DCPH1: variants seen among roughly 807,000 people sequenced by gnomAD.
The protein encoded by DCPH1 is damage control phosphatase 1, also known as damage-control phosphatase 1.
chr6:151,463,990 CATT>C, the DCPH1 span, among the ~76,000 whole-genome samples: 1 of 152,170 alleles, frequency 6.6e-6, no homozygotes, highest in African/African-American at 2.4e-5. Context: ...CTTAAGTACT[CATT>C]GTATTTCCAT....
chr6:151,452,690 G>C, the DCPH1 span: 1 of 1,216,590 alleles, frequency 8.2e-7, no homozygotes, highest in Non-Finnish European at 1.1e-6. Flanking sequence ...GGCTGCGTTC[G>C]AGTCCCGCCG....
chr6:151,463,675 C>T, the DCPH1 span, among the ~76,000 whole-genome samples: 1 of 152,182 alleles, frequency 6.6e-6, no homozygotes, highest in African/African-American at 2.4e-5. Flanking sequence ...AAGCCGATTA[C>T]ATCAGTGTTA....
At chr6:151,458,905 A>G in the DCPH1 span, among the ~76,000 whole-genome samples, 1 of 152,160 alleles carries the variant, frequency 6.6e-6, no homozygotes, top group Non-Finnish European at 1.5e-5. Flanking sequence ...TGGGAGGCTG[A>G]GGTGGGCAGA....
chr6:151,462,209 T>A, the DCPH1 span, among the ~76,000 whole-genome samples: 2 of 152,176 alleles, frequency 1.3e-5, no homozygotes, highest in Non-Finnish European at 2.9e-5. Flanking sequence ...GAAAAACTTT[T>A]TAATAAAGTG....
At chr6:151,453,045 G>T in the DCPH1 span, among the ~76,000 whole-genome samples, 5 of 152,190 alleles carry the variant, frequency 3.3e-5, no homozygotes, top group African/African-American at 4.8e-5. Flanking sequence ...GGGTGACCGT[G>T]CAAATAACAT....
At chr6:151,465,594 T>C in the DCPH1 span, among the ~76,000 whole-genome samples, 1 of 152,152 alleles carries the variant, frequency 6.6e-6, no homozygotes, top group African/African-American at 2.4e-5. Flanking sequence ...AAATTTTTAC[T>C]AAAAGTGAAA....
At chr6:151,453,365 T>C in the DCPH1 span, among the ~76,000 whole-genome samples, 3 of 152,090 alleles carry the variant, frequency 2.0e-5, no homozygotes, top group Admixed American at 1.3e-4. Context: ...TAAAGTAAAA[T>C]CTCAAAAAAG....
chr6:151,452,600 T>C, the DCPH1 span: 1 of 1,601,764 alleles, frequency 6.2e-7, no homozygotes, highest in Non-Finnish European at 8.5e-7. Context: ...AGTCTAGCTT[T>C]TCTCCTCCCC....
the DCPH1 span, chr6:151,468,327 A>T: frequency 6.6e-7 from 1 of 1,514,034 alleles, no homozygotes; most frequent in East Asian, 2.3e-5. Context: ...AATATTTTGT[A>T]CTTTTTCTTT....
At chr6:151,457,184 G>A in the DCPH1 span, among the ~76,000 whole-genome samples, 1 of 152,140 alleles carries the variant, frequency 6.6e-6, no homozygotes, top group Non-Finnish European at 1.5e-5. Flanking sequence ...CACCTCAGCG[G>A]TCAAACGTCC....
At chr6:151,454,396 A>G in the DCPH1 span, 1 of 500,264 alleles carries the variant, frequency 2.0e-6, no homozygotes, top group East Asian at 3.8e-5. Context: ...AGGTTTTCTT[A>G]TGTCTTAATA....
At chr6:151,452,693 TC>T in the DCPH1 span, 1 of 1,201,936 alleles carries the variant, frequency 8.3e-7, no homozygotes, top group Non-Finnish European at 1.2e-6. Flanking sequence ...TGCGTTCGAG[TC>T]CCGCCGCCGG....
At chr6:151,454,754 T>G in the DCPH1 span, 1 of 599,594 alleles carries the variant, frequency 1.7e-6, no homozygotes, top group Non-Finnish European at 3.0e-6. Flanking sequence ...TAAAAATCAA[T>G]AGATGGGCCA....
chr6:151,456,656 T>C, the DCPH1 span, among the ~76,000 whole-genome samples: 1 of 152,084 alleles, frequency 6.6e-6, no homozygotes, highest in Non-Finnish European at 1.5e-5. Flanking sequence ...TTGTTTTTCT[T>C]GTTGTTGTTT....
At chr6:151,469,247 G>C in the DCPH1 span, 2 of 624,858 alleles carry the variant, frequency 3.2e-6, no homozygotes, top group Admixed American at 3.5e-5. Context: ...GCCCATCTAC[G>C]TGCACTGGAT....
At chr6:151,452,480 G>C in the DCPH1 span, 1 of 1,577,200 alleles carries the variant, frequency 6.3e-7, no homozygotes, top group Non-Finnish European at 8.7e-7. Context: ...CTCCTTCGCG[G>C]CGGTACCGCC....
chr6:151,468,664 A>G, the DCPH1 span: 145 of 1,613,822 alleles, frequency 9.0e-5, no homozygotes, highest in Middle Eastern at 9.9e-4. Flanking sequence ...TGATACTACT[A>G]TACATGATTT....
the DCPH1 span, chr6:151,452,886 G>A: frequency 3.5e-5 from 11 of 313,656 alleles, no homozygotes; most frequent in East Asian, 4.5e-4. Context: ...CGCTTTGGGG[G>A]CGTTAAAATT....
chr6:151,460,969 CAGAG>C, the DCPH1 span, among the ~76,000 whole-genome samples: 6 of 152,208 alleles, frequency 3.9e-5, 1 homozygote, highest in South Asian at 1.0e-3. Flanking sequence ...TGATTGGGCT[CAGAG>C]AGATTTCTAA....
Sources: allele counts gnomAD v4.1 joint callset (sites outside exome capture counted in the v4.1 genomes callset), GRCh38; gene constraint gnomAD v4.1.1; transcripts MANE v1.5; gene names NCBI Gene and HGNC (gene_info 2026-07-23, HGNC 2026-07-21).